Variants in DCDC2C observed in about 807,000 individuals in gnomAD.
The protein encoded by DCDC2C is doublecortin domain containing 2C.
DCDC2C carries 44 observed loss-of-function variants against 45.0 expected under a neutral mutation model. The observed-to-expected ratio is 0.98, with a 90% CI of 0.77 to 1.26. The LOEUF (loss-of-function observed/expected upper bound fraction) is 1.26, where lower values mean the gene tolerates loss of function less well. Ranked by LOEUF, DCDC2C falls within the 50% of genes most tolerant of loss-of-function variation. The pLI is 0.00. For synonymous variants in DCDC2C, 187 were observed against 178.8 expected, an observed-to-expected ratio of 1.05 and a Z score of -0.37; for missense variants, 447 against 468.9, an observed-to-expected ratio of 0.95 and a Z score of 0.43.
Position 3,703,887 on chromosome 2 carries a change from C to A in DCDC2C, c.136C>A (p.Leu46Met), listed in dbSNP as rs1005055390. 1 of 1,323,932 alleles carries A rather than the reference C, an allele frequency of 7.6e-7. No homozygotes were observed. Among genetic ancestry groups the A allele is most frequent in the Non-Finnish European group, 9.7e-7 (1 of 1,032,422 alleles). 82.0% of individuals were successfully genotyped at this position (1,323,932 alleles called of 1,614,324 possible). Residue 46 changes from leucine to methionine, a missense_variant, in exon 1 of 11, where the codon CTG (leucine) becomes ATG (methionine). Leu to Met is a conservative substitution (Grantham distance 15). Coordinates refer to ENST00000399143, the MANE Select transcript of DCDC2C (RefSeq NM_001287444.2). The surrounding 1 kb of genome is among the most constrained non-coding windows in gnomAD (Gnocchi z 4.4). ...GCGCCGCGCGGCCACCTTCGAGGCG[C>A]TGCTGGAGCAGCTCACGGAGCAGGT... Reference protein sequence around the residue: ...SRRRAATFEALLEQLTEQVDV... With the variant: ...SRRRAATFEAMLEQLTEQVDV...
chr2:3,835,517 C>T lies in DCDC2C; in HGVS notation c.1066-11637C>T, dbSNP rs528020652. ...AGATGGGAGCGTGACTCTCACTTCC[C>T]GTGGAAATCTCTAGTTCCCTGCGGC... On this transcript the variant is annotated intron_variant, in intron 10 of 10. Coordinates refer to ENST00000399143, the MANE Select transcript of DCDC2C (RefSeq NM_001287444.2). 1.0e-3 allele frequency among the ~76,000 whole-genome samples: 159 copies of T among 152,272 alleles called. 1 individual carries two copies. The highest frequency in any genetic ancestry group is 0.01 in the Middle Eastern group (3 of 294).
rs1210483672 is a variant in DCDC2C, at chr2:3,767,859, C to A, written c.832C>A (p.Pro278Thr). Residue 278 changes from proline (P) to threonine (T), a missense_variant, in exon 7 of 11, where the codon CCT becomes ACT. Transcript: ENST00000399143. Reference protein sequence around the residue: ...KEEKKKTLAEPLVQRGAEGDV... With the variant: ...KEEKKKTLAETLVQRGAEGDV... Reference sequence around the variant, plus strand: ...AGAAAAGAAGAAAACATTGGCAGAACCTTTAGTCCAAAGGGGTGCAGGTGA... The same window carrying A: ...AGAAAAGAAGAAAACATTGGCAGAAACTTTAGTCCAAAGGGGTGCAGGTGA... The A allele has an allele frequency of 1.5e-5, 23 of 1,538,382 alleles. No individual in the cohort carries two copies. Among genetic ancestry groups the A allele is most frequent in the Non-Finnish European group, 2.0e-5 (23 of 1,142,674 alleles).
In DCDC2C at chr2:3,716,582, G is replaced by A. The variant is rs541362409; in HGVS notation, c.339+7982G>A. ...GAGAAATGTAGAGGTAACTGGAGGG[G>A]GAAACAGAGCGAAGAGAGTTTTTCT... On this transcript the variant is annotated intron_variant, in intron 2 of 10. Transcript: ENST00000399143. 2.0e-3 allele frequency among the ~76,000 whole-genome samples: 311 copies of A among 152,242 alleles called. 2 individuals carry two copies. Among genetic ancestry groups the A allele is most frequent in the Non-Finnish European group, 3.0e-3 (205 of 68,012 alleles).
chr2:3,758,500 T>C (rs1669787883), intron 6 of DCDC2C, among the ~76,000 whole-genome samples: 1 of 152,120 alleles, frequency 6.6e-6, no homozygotes, highest in African/African-American at 2.4e-5. Flanking sequence ...ACGATGCAAA[T>C]TTGCTATCAA....
chr2:3,806,198 C>A (rs1158560036), intron 10 of DCDC2C, among the ~76,000 whole-genome samples: 1 of 152,122 alleles, frequency 6.6e-6, no homozygotes, highest in Non-Finnish European at 1.5e-5. Context: ...CTTCATGACT[C>A]CCTTTGCTGC....
chr2:3,810,041 C>G (rs1671355093), intron 10 of DCDC2C, among the ~76,000 whole-genome samples: 2 of 152,186 alleles, frequency 1.3e-5, no homozygotes, highest in South Asian at 4.1e-4. Context: ...GTAAATAGTG[C>G]TGCAATAAAC....
intron 2 of DCDC2C, among the ~76,000 whole-genome samples, chr2:3,718,764 G>A (rs72771209): frequency 0.11 from 16,550 of 152,128 alleles, 1,096 homozygotes; most frequent in Middle Eastern, 0.15. Context: ...TGGGTTTGTC[G>A]TCTCGCTGAC....
Position 3,847,274 on chromosome 2 carries a change from A to C in DCDC2C, c.*91A>C. 1 of 940,186 alleles carries C rather than the reference A, an allele frequency of 1.1e-6. No individual in the cohort carries two copies. The highest frequency in any genetic ancestry group is 1.4e-6 in the Non-Finnish European group (1 of 722,448). 58.2% of individuals were successfully genotyped at this position (940,186 alleles called of 1,614,324 possible). On this transcript the variant is annotated 3_prime_UTR_variant, in exon 11 of 11. Transcript: ENST00000399143. ...TGGACATTTTAACAGCAAGAAAATC[A>C]CATGTGGGGTGAAACTAAAGCCCCA...
chr2:3,756,275 G>A (rs1425149226), intron 6 of DCDC2C, among the ~76,000 whole-genome samples: 2 of 152,094 alleles, frequency 1.3e-5, no homozygotes, highest in East Asian at 3.8e-4. Context: ...CCTTTTAGTG[G>A]TTCTATTGAC....
intron 2 of DCDC2C, among the ~76,000 whole-genome samples, chr2:3,717,061 T>G (rs752304358): frequency 1.3e-5 from 2 of 152,204 alleles, no homozygotes; most frequent in Non-Finnish European, 2.9e-5. Context: ...CTTCTCATTT[T>G]CTATGACTGT....
At chr2:3,821,734 C>T (rs558680919) in intron 10 of DCDC2C, among the ~76,000 whole-genome samples, 10 of 152,292 alleles carry the variant, frequency 6.6e-5, no homozygotes, top group African/African-American at 1.9e-4. Flanking sequence ...GGGGTAAACC[C>T]CACTTGTTCA....
chr2:3,806,431 G>A (rs1199509841), intron 10 of DCDC2C, among the ~76,000 whole-genome samples: 1 of 152,198 alleles, frequency 6.6e-6, no homozygotes, highest in Non-Finnish European at 1.5e-5. Flanking sequence ...TGTTCTGTGA[G>A]TGCCCGCGTT....
intron 10 of DCDC2C, among the ~76,000 whole-genome samples, chr2:3,826,416 T>C (rs1250152565): frequency 1.3e-5 from 2 of 152,226 alleles, no homozygotes; most frequent in Non-Finnish European, 2.9e-5. Context: ...AGAAAAATGA[T>C]ATATCACAGT....
chr2:3,753,748 G>C (rs142964177), intron 5 of DCDC2C, among the ~76,000 whole-genome samples: 1 of 152,130 alleles, frequency 6.6e-6, no homozygotes, highest in Non-Finnish European at 1.5e-5. Context: ...CACTGAGGGC[G>C]CAGCGTCCGG....
chr2:3,836,707 A>G (rs564582286), intron 10 of DCDC2C, among the ~76,000 whole-genome samples: 4 of 152,216 alleles, frequency 2.6e-5, no homozygotes, highest in East Asian at 3.9e-4. Flanking sequence ...CTAAAAATAC[A>G]CAAAATTAGC....
intron 2 of DCDC2C, among the ~76,000 whole-genome samples, chr2:3,712,189 G>A (rs188486833): frequency 1.7e-3 from 266 of 152,218 alleles, no homozygotes; most frequent in African/African-American, 6.2e-3. Context: ...CGTAAGAGTA[G>A]CTGAGATTCA....
intron 6 of DCDC2C, among the ~76,000 whole-genome samples, chr2:3,759,758 C>G (rs1221192743): frequency 6.6e-6 from 1 of 152,184 alleles, no homozygotes; most frequent in Non-Finnish European, 1.5e-5. Context: ...AGTCAAATTC[C>G]TTGTGTGTCC....
intron 10 of DCDC2C, among the ~76,000 whole-genome samples, chr2:3,839,910 T>C (rs1388045524): frequency 6.6e-6 from 1 of 152,222 alleles, no homozygotes; most frequent in Non-Finnish European, 1.5e-5. Context: ...GACACACAGA[T>C]ACACTTATGG....
intron 10 of DCDC2C, among the ~76,000 whole-genome samples, chr2:3,789,812 T>C (rs1670757336): frequency 6.6e-6 from 1 of 152,226 alleles, no homozygotes; most frequent in Non-Finnish European, 1.5e-5. Context: ...TAGGCTTTGG[T>C]GTTTCATGTT....
Sources: allele counts gnomAD v4.1 joint callset (sites outside exome capture counted in the v4.1 genomes callset), GRCh38; gene constraint gnomAD v4.1.1; non-coding constraint Gnocchi (gnomAD v3.1); transcripts MANE v1.5; gene names NCBI Gene and HGNC (gene_info 2026-07-23, HGNC 2026-07-21).